Variants in F3 observed in about 807,000 individuals in gnomAD.
F3 encodes the protein tissue factor.
F3 carries 18 observed loss-of-function variants against 33.5 expected under a neutral mutation model. The ratio of observed to expected loss-of-function variants is 0.54; its 90% confidence interval spans 0.37 to 0.80. The LOEUF is 0.80. Ranked by LOEUF, F3 falls within the 30% of genes least tolerant of loss-of-function variation. The pLI is 0.00. For synonymous variants in F3, 147 were observed against 140.7 expected (o/e 1.05, Z -0.32); for missense variants, 353 against 362.1 (o/e 0.97, Z 0.20).
chr1:94,534,383 T>C (rs1651532518), intron 3 of F3, among the ~76,000 whole-genome samples: 1 of 151,910 alleles, frequency 6.6e-6, no homozygotes, highest in Non-Finnish European at 1.5e-5. Context: ...GCACAGGGAG[T>C]CGGTGCCTCT....
Position 94,535,883 on chromosome 1 carries a change from G to A in F3, c.412+82C>T, listed in dbSNP as rs939723985. The A allele has an allele frequency of 3.2e-6, 4 of 1,249,644 alleles. No homozygotes were observed. In the African/African-American group the frequency reaches 4.5e-5, roughly 14 times the overall value. 77.4% of individuals were successfully genotyped at this position (1,249,644 alleles called of 1,614,324 possible). On this transcript the variant is annotated intron_variant, in intron 3 of 5. Transcript: ENST00000334047. ...AAAAAGAATAAATATTTTTAATTTT[G>A]TAGCCCCTAAAGGCACAAGATCACG... is the stretch of plus-strand genomic sequence containing the variant.
Position 94,541,689 on chromosome 1 carries a change from G to A in F3, c.-53C>T. 8.0e-7 allele frequency: 1 copy of A among 1,255,956 alleles called. No individual in the cohort carries two copies. Among genetic ancestry groups the A allele is most frequent in the Non-Finnish European group, 1.0e-6 (1 of 962,560 alleles). 77.8% of individuals were successfully genotyped at this position (1,255,956 alleles called of 1,614,324 possible). A position where few individuals can be genotyped will look rare whatever the true frequency, so the allele number is the denominator to read the frequency against. On this transcript the variant is annotated 5_prime_UTR_variant, in exon 1 of 6. Transcript: ENST00000334047. The stretch of plus-strand genomic sequence containing the variant: ...GGGTTCCGTGGCGCCCGTGGGGCTG[G>A]GGAGGTTGGGCTGAAGGCGCCCTGG...
Position 94,530,251 on chromosome 1 carries a change from T to C in F3, c.*209A>G. ...TTAAAAATTAAAACTTGGAATTGGTTGTAGTACCATTCGTTACATTTCAAA... is the reference window on the plus strand; with the variant it reads ...TTAAAAATTAAAACTTGGAATTGGTCGTAGTACCATTCGTTACATTTCAAA... On this transcript the variant is annotated 3_prime_UTR_variant, in exon 6 of 6. Transcript: ENST00000334047. 1.8e-6 allele frequency: 1 copy of C among 550,606 alleles called. No homozygotes were observed. The highest frequency in any genetic ancestry group is 3.2e-6 in the Non-Finnish European group (1 of 317,328). 34.1% of individuals were successfully genotyped at this position (550,606 alleles called of 1,614,324 possible).
chr1:94,541,743 G>T lies in F3; in HGVS notation c.-107C>A. 1.7e-6 allele frequency: 1 copy of T among 596,474 alleles called. No individual in the cohort carries two copies. Among genetic ancestry groups the T allele is most frequent in the Non-Finnish European group, 2.5e-6 (1 of 395,346 alleles). The allele number at this position is 596,474 out of a possible 1,614,324, so 36.9% of individuals were successfully genotyped here. A position where few individuals can be genotyped will look rare whatever the true frequency, so the allele number is the denominator to read the frequency against. On this transcript the variant is annotated 5_prime_UTR_variant, in exon 1 of 6. Transcript: ENST00000334047. Reference sequence around the variant, plus strand: ...GGCCAGAGGGAGTGCGAGGGGGTGCGGGGAGCTCGCAGTCTTGGGGAGCCG... The same window carrying T: ...GGCCAGAGGGAGTGCGAGGGGGTGCTGGGAGCTCGCAGTCTTGGGGAGCCG...
At chr1:94,541,458 G>C in intron 1 of F3, 79 bp downstream of exon 1, 1 of 1,167,100 alleles carries the variant, frequency 8.6e-7, no homozygotes, top group East Asian at 3.2e-5. Context: ...GAACCAGGGC[G>C]AGCCCGCTGC....
At chr1:94,533,640 A>G (rs1651500847) in intron 3 of F3, among the ~76,000 whole-genome samples, 1 of 152,132 alleles carries the variant, frequency 6.6e-6, no homozygotes, top group East Asian at 1.9e-4. Context: ...TTTTTAAATA[A>G]AAGTTACACC....
chr1:94,538,169 G>T (rs550706819), intron 2 of F3, among the ~76,000 whole-genome samples: 4 of 152,306 alleles, frequency 2.6e-5, no homozygotes, highest in African/African-American at 9.6e-5. Flanking sequence ...AAAACCCTCT[G>T]ATTTGGAATT....
At chr1:94,539,376 G>A (rs557534182) in intron 2 of F3, among the ~76,000 whole-genome samples, 2 of 152,276 alleles carry the variant, frequency 1.3e-5, no homozygotes, top group South Asian at 4.1e-4. Flanking sequence ...TTATCTAGAA[G>A]TTGCATTCCT....
chr1:94,530,999 G>A (rs1270693278), intron 5 of F3, among the ~76,000 whole-genome samples: 1 of 152,160 alleles, frequency 6.6e-6, no homozygotes, highest in African/African-American at 2.4e-5. Flanking sequence ...GTAACTAGTT[G>A]GTGCAGTAGC....
In F3 at chr1:94,535,948, C is replaced by G. The variant is rs1367755337; in HGVS notation, c.412+17G>C. The G allele has an allele frequency of 6.2e-7, 1 of 1,612,508 alleles. No homozygotes were observed. The highest frequency in any genetic ancestry group is 1.7e-5 in the Admixed American group (1 of 60,018). ...TTTCTAACAAGAATGAACGGTATTACAGCCCAAGCCACTTACTCTCCAGGT... is the reference window on the plus strand; with the variant it reads ...TTTCTAACAAGAATGAACGGTATTAGAGCCCAAGCCACTTACTCTCCAGGT... On this transcript the variant is annotated intron_variant, in intron 3 of 5. Coordinates refer to ENST00000334047, the MANE Select transcript of F3 (RefSeq NM_001993.5).
intron 5 of F3, 72 bp from the exon 6 acceptor site, chr1:94,530,668 A>G: frequency 6.4e-7 from 1 of 1,572,370 alleles, no homozygotes; most frequent in South Asian, 1.1e-5. Context: ...AATTGACGGC[A>G]TAACCCCAAA....
At chr1:94,536,882 G>A (rs1303041789) in intron 2 of F3, among the ~76,000 whole-genome samples, 8 of 152,042 alleles carry the variant, frequency 5.3e-5, no homozygotes, top group Non-Finnish European at 2.9e-5. Context: ...CTATATGCCA[G>A]GTATTCTGCT....
chr1:94,537,741 T>A (rs1375864338), intron 2 of F3, among the ~76,000 whole-genome samples: 1 of 152,178 alleles, frequency 6.6e-6, no homozygotes, highest in Non-Finnish European at 1.5e-5. Flanking sequence ...GTGCACAAAC[T>A]AAGATTGATA....
intron 5 of F3, among the ~76,000 whole-genome samples, chr1:94,531,296 G>A (rs539598645): frequency 3.7e-5 from 4 of 108,706 alleles, no homozygotes; most frequent in South Asian, 3.7e-4. Context: ...TTCTTTTTTC[G>A]TTGTTTCTTT....
intron 1 of F3, chr1:94,541,173 C>T (rs1020433925): frequency 4.3e-6 from 1 of 235,100 alleles, no homozygotes; most frequent in Non-Finnish European, 8.2e-6. Flanking sequence ...CACGTGCAGA[C>T]GCAGGCACAA....
At chr1:94,532,508 T>C (rs1651463352) in intron 4 of F3, 28 bp from the exon 5 acceptor site, 2 of 1,610,626 alleles carry the variant, frequency 1.2e-6, no homozygotes, top group South Asian at 1.1e-5. Flanking sequence ...TCTTAATTCA[T>C]CTGGGCTCTG....
chr1:94,540,688 G>A (rs1049653519), intron 1 of F3: 43 of 264,520 alleles, frequency 1.6e-4, no homozygotes, highest in African/African-American at 9.8e-4. Context: ...TGCCAGTCCA[G>A]GACTCAGCTC....
chr1:94,537,660 T>C (rs565214412), intron 2 of F3, among the ~76,000 whole-genome samples: 5 of 152,342 alleles, frequency 3.3e-5, no homozygotes, highest in African/African-American at 9.6e-5. Flanking sequence ...GCCACAAATA[T>C]ATTTTCTTTC....
chr1:94,533,928 G>A (rs866654618), intron 3 of F3, among the ~76,000 whole-genome samples: 25 of 150,918 alleles, frequency 1.7e-4, no homozygotes, highest in South Asian at 6.3e-4. Context: ...GTGCAGTGGC[G>A]CAATCTCAGT....
Sources: allele counts gnomAD v4.1 joint callset (sites outside exome capture counted in the v4.1 genomes callset), GRCh38; gene constraint gnomAD v4.1.1; transcripts MANE v1.5; gene names NCBI Gene and HGNC (gene_info 2026-07-23, HGNC 2026-07-21).